Variants in HIBCH observed in about 807,000 individuals in gnomAD.
HIBCH encodes the protein 3-hydroxyisobutyryl-CoA hydrolase, mitochondrial.
HIBCH carries 50 observed loss-of-function variants against 58.2 expected under a neutral mutation model. That is an observed-to-expected ratio of 0.86 (90% CI 0.68 to 1.09). The LOEUF is 1.09. HIBCH is among the 50% of genes least tolerant of loss of function. The pLI is 0.00. For missense variants in HIBCH, 450 were observed against 449.7 expected (o/e 1.00, Z -0.01); for synonymous variants, 151 against 146.9 (o/e 1.03, Z -0.20).
intron 2 of HIBCH, among the ~76,000 whole-genome samples, chr2:190,308,074 G>A (rs1176584532): frequency 6.6e-6 from 1 of 152,016 alleles, no homozygotes; most frequent in Non-Finnish European, 1.5e-5. Flanking sequence ...AATTGCTTGG[G>A]ATACATCTTC....
At chr2:190,259,365 G>GTGTGTGTGTGTGTGTGTGTGTGTGTC (rs1305957511) in intron 7 of HIBCH, among the ~76,000 whole-genome samples, 1 of 141,136 alleles carries the variant, frequency 7.1e-6, no homozygotes, top group Admixed American at 7.0e-5. Context: ...GTGTGTGTGT[G>GTGTGTGTGTGTGTGTGTGTGTGTGTC]TGTCTGTCTG....
rs1686508657 is a variant in HIBCH at position 190,243,377 on chromosome 2, T to C, written c.891+1510A>G. Among the ~76,000 whole-genome samples, 1 of 152,188 alleles carries C rather than the reference T, an allele frequency of 6.6e-6. No homozygotes were observed. Among genetic ancestry groups the C allele is most frequent in the African/African-American group, 2.4e-5 (1 of 41,446 alleles). On this transcript the variant is annotated intron_variant, in intron 11 of 13. Coordinates refer to ENST00000359678, the MANE Select transcript of HIBCH (RefSeq NM_014362.4). The surrounding 1 kb of genome is among the most constrained non-coding windows in gnomAD (Gnocchi z 4.1). ...CTTGTAGACAGCCTACTGTGGGACC[T>C]TGTGATTGTGCAGGTTAATACTTAA...
At chr2:190,261,078 T>C (rs1423535254) in intron 7 of HIBCH, 78 bp downstream of exon 7, 1 of 1,075,522 alleles carries the variant, frequency 9.3e-7, no homozygotes, top group African/African-American at 1.6e-5. Flanking sequence ...ATCAATTCCT[T>C]CAACAACAGT....
At chr2:190,199,864 G>A, downstream of HIBCH, 1 of 1,613,320 alleles carries the variant, frequency 6.2e-7, no homozygotes, top group South Asian at 1.1e-5. Flanking sequence ...TCATAACATG[G>A]GCTGCATGAA....
intron 7 of HIBCH, among the ~76,000 whole-genome samples, chr2:190,256,860 G>T (rs1438748617): frequency 6.6e-6 from 1 of 151,996 alleles, no homozygotes; most frequent in Non-Finnish European, 1.5e-5. Flanking sequence ...TGAGATTAAG[G>T]GCAGATTAGA....
Position 190,306,994 on chromosome 2 carries a change from A to C in HIBCH, c.78+3760T>G, listed in dbSNP as rs1559064694. Among the ~76,000 whole-genome samples the C allele has an allele frequency of 6.6e-6, 1 of 152,192 alleles. No homozygotes were observed. Among genetic ancestry groups the C allele is most frequent in the Non-Finnish European group, 1.5e-5 (1 of 68,018 alleles). Reference sequence around the variant, plus strand: ...CTGGCCCCTTGATCTTGAACTCCCCAGCCTCCAGAACCATGAGAAATAAAT... The same window carrying C: ...CTGGCCCCTTGATCTTGAACTCCCCCGCCTCCAGAACCATGAGAAATAAAT... On this transcript the variant is annotated intron_variant, in intron 2 of 13. Coordinates refer to ENST00000359678, the MANE Select transcript of HIBCH (RefSeq NM_014362.4). This position sits in a 1 kb window ranked among gnomAD's most constrained non-coding sequence, Gnocchi z 4.6.
chr2:190,306,063 C>T lies in HIBCH; in HGVS notation c.78+4691G>A, dbSNP rs955173751. Reference sequence around the variant, plus strand: ...CAGCAACTTGCCATGGTCATCTTCCCATGTCACTACTACAGATAAAGCTGT... The same window carrying T: ...CAGCAACTTGCCATGGTCATCTTCCTATGTCACTACTACAGATAAAGCTGT... On this transcript the variant is annotated intron_variant, in intron 2 of 13. Coordinates refer to ENST00000359678, the MANE Select transcript of HIBCH (RefSeq NM_014362.4). This position sits in a 1 kb window ranked among gnomAD's most constrained non-coding sequence, Gnocchi z 4.6. 7.9e-5 allele frequency among the ~76,000 whole-genome samples: 12 copies of T among 152,244 alleles called. No homozygotes were observed. The highest frequency in any genetic ancestry group is 2.6e-4 in the African/African-American group (11 of 41,564).
intron 3 of HIBCH, among the ~76,000 whole-genome samples, chr2:190,295,246 T>C (rs746683957): frequency 5.9e-5 from 9 of 152,186 alleles, no homozygotes; most frequent in South Asian, 2.1e-4. Flanking sequence ...AGGGGTTCTA[T>C]CAATCTATAC....
At chr2:190,201,440 G>A (rs182931387), downstream of HIBCH, 5 of 167,004 alleles carry the variant, frequency 3.0e-5, no homozygotes, top group East Asian at 9.6e-4. Flanking sequence ...TAAATGGAAA[G>A]GAAATTATTT....
intron 11 of HIBCH, among the ~76,000 whole-genome samples, chr2:190,219,433 G>A (rs996558587): frequency 6.6e-6 from 1 of 152,092 alleles, no homozygotes; most frequent in Non-Finnish European, 1.5e-5. Context: ...GCCGCTTGTT[G>A]GCCTCCACTT....
rs1454145560 is a variant in HIBCH, at chr2:190,279,366, C to T, written c.438+8220G>A. Among the ~76,000 whole-genome samples, 1 of 152,180 alleles carries T rather than the reference C, an allele frequency of 6.6e-6. No homozygotes were observed. Among genetic ancestry groups the T allele is most frequent in the African/African-American group, 2.4e-5 (1 of 41,448 alleles). On this transcript the variant is annotated intron_variant, in intron 6 of 13. Coordinates refer to ENST00000359678, the MANE Select transcript of HIBCH (RefSeq NM_014362.4). This position sits in a 1 kb window ranked among gnomAD's most constrained non-coding sequence, Gnocchi z 4.2. ...CATCCCTGACCTCCCAAACTCATAT[C>T]CTTCTCACATACAAATACATTCACT...
chr2:190,207,526 G>GTGAT lies in HIBCH; in HGVS notation c.1045+1350_1045+1353dup, dbSNP rs971413464. ...AGAAATGAAGAGAACTCTATGAAGA[G>GTGAT]TGATTGTTTATCAAAGCTTAAGAGC... On this transcript the variant is annotated intron_variant, in intron 13 of 13. Transcript: ENST00000359678. The surrounding 1 kb of genome is among the most constrained non-coding windows in gnomAD (Gnocchi z 4.5). 8.1e-4 allele frequency among the ~76,000 whole-genome samples: 123 copies of GTGAT among 152,306 alleles called. No individual in the cohort carries two copies. The highest frequency in any genetic ancestry group is 2.4e-3 in the African/African-American group (100 of 41,558).
intron 1 of HIBCH, among the ~76,000 whole-genome samples, chr2:190,192,140 T>TATA (rs1251889578): frequency 4.6e-5 from 7 of 152,162 alleles, no homozygotes; most frequent in Non-Finnish European, 7.4e-5. Context: ...AAGTATAAGG[T>TATA]ATAAGTAGAT....
chr2:190,208,047 T>C (rs1158826635), intron 13 of HIBCH, among the ~76,000 whole-genome samples: 2 of 152,180 alleles, frequency 1.3e-5, no homozygotes, highest in Non-Finnish European at 2.9e-5. Flanking sequence ...GAATTATGCA[T>C]AAAAAGGAAT....
At chr2:190,238,931 TGAG>T (rs1381342174) in intron 11 of HIBCH, among the ~76,000 whole-genome samples, 3 of 152,246 alleles carry the variant, frequency 2.0e-5, no homozygotes, top group Non-Finnish European at 4.4e-5. Context: ...TTCACTCTGA[TGAG>T]AATTTCTTCT....
chr2:190,250,751 A>G (rs1446336855), intron 8 of HIBCH, among the ~76,000 whole-genome samples: 2 of 152,198 alleles, frequency 1.3e-5, no homozygotes, highest in African/African-American at 4.8e-5. Flanking sequence ...TACAGAGACA[A>G]TCTTCAATTT....
intron 2 of HIBCH, among the ~76,000 whole-genome samples, chr2:190,301,858 C>G (rs1038133163): frequency 2.0e-5 from 3 of 152,184 alleles, no homozygotes; most frequent in Non-Finnish European, 4.4e-5. Context: ...TGACTCCCTT[C>G]AACCTCTTTT....
At position 190,236,844 on chromosome 2, in the gene HIBCH, T is replaced by C. The variant is rs1157338683; in HGVS notation, c.891+8043A>G. ...GTACTACTATTTTATGTTTCCTAAA[T>C]GCCAATGGTAGCATTTAAGGGTCGC... On this transcript the variant is annotated intron_variant, in intron 11 of 13. Coordinates refer to ENST00000359678, the MANE Select transcript of HIBCH (RefSeq NM_014362.4). The surrounding 1 kb of genome is among the most constrained non-coding windows in gnomAD (Gnocchi z 4.1). Among the ~76,000 whole-genome samples the C allele has an allele frequency of 1.3e-5, 2 of 152,186 alleles. No homozygotes were observed. Among genetic ancestry groups the C allele is most frequent in the Non-Finnish European group, 2.9e-5 (2 of 68,018 alleles).
At chr2:190,299,430 C>T (rs942599985) in intron 2 of HIBCH, among the ~76,000 whole-genome samples, 8 of 151,850 alleles carry the variant, frequency 5.3e-5, no homozygotes, top group Non-Finnish European at 8.8e-5. Context: ...GTTTCTCTAA[C>T]GAAAAATTCA....
Sources: gnomAD v4.1 joint callset for allele counts (sites outside exome capture counted in the v4.1 genomes callset) on GRCh38, gnomAD v4.1.1 for gene constraint, Gnocchi (gnomAD v3.1) non-coding constraint, MANE v1.5 for transcripts, NCBI Gene and HGNC (gene_info 2026-07-23, HGNC 2026-07-21) for gene names.